The following KCNK2 variants were observed in gnomAD, a reference collection of about 807,000 sequenced individuals.
KCNK2 encodes potassium channel subfamily K member 2.
A neutral mutation model predicts 40.5 loss-of-function variants in KCNK2; 21 were observed. That is an observed-to-expected ratio of 0.52 (90% confidence interval 0.37 to 0.75). The LOEUF (loss-of-function observed/expected upper bound fraction) is 0.75. Ranked by LOEUF, KCNK2 falls within the 30% of genes least tolerant of loss-of-function variation. The probability of loss-of-function intolerance (pLI) is 0.00; values close to 1 mark genes in which losing one functional copy is unlikely to be tolerated. For missense variants in KCNK2, 399 were observed against 531.6 expected (o/e 0.75, Z 2.45); for synonymous variants, 191 against 202.2 (o/e 0.94, Z 0.47).
chr1:215,222,474 G>T (rs10864162), intron 6 of KCNK2, among the ~76,000 whole-genome samples: 37,709 of 151,940 alleles, frequency 0.25, 5,809 homozygotes, highest in African/African-American at 0.43. Context: ...TTAGAAGAAA[G>T]ATATTATTTA....
At chr1:215,211,710 CAGAA>C (rs1343337635) in intron 6 of KCNK2, among the ~76,000 whole-genome samples, 3 of 152,098 alleles carry the variant, frequency 2.0e-5, no homozygotes. Context: ...TGATTCAACT[CAGAA>C]GGGATAGAAT....
chr1:215,092,813 A>T (rs1464819937), intron 2 of KCNK2, among the ~76,000 whole-genome samples: 2 of 152,140 alleles, frequency 1.3e-5, no homozygotes, highest in Non-Finnish European at 2.9e-5. Context: ...AGCAATGCTG[A>T]CAAGCTGGTA....
chr1:215,079,938 T>C (rs536726664), upstream of KCNK2, among the ~76,000 whole-genome samples: 1 of 152,278 alleles, frequency 6.6e-6, no homozygotes, highest in East Asian at 1.9e-4. Flanking sequence ...AATGTTACAG[T>C]CTGAAATTTT....
intron 1 of KCNK2, among the ~76,000 whole-genome samples, chr1:215,067,165 T>C (rs1239979072): frequency 6.6e-6 from 1 of 152,192 alleles, no homozygotes; most frequent in Non-Finnish European, 1.5e-5. Context: ...TTAGTACTTT[T>C]AAAATCCAGG....
intron 3 of KCNK2, among the ~76,000 whole-genome samples, chr1:215,128,507 T>C (rs1220040719): frequency 6.6e-6 from 1 of 152,060 alleles, no homozygotes; most frequent in Non-Finnish European, 1.5e-5. Context: ...GACTGAAGAA[T>C]AACAAAAATA....
chr1:215,083,004 G>GGCGGCGGCA lies in KCNK2; in HGVS notation c.-374_-373insAGCGGCGGC, dbSNP rs1197218053. The GGCGGCGGCA allele has an allele frequency of 6.0e-5, 9 of 150,160 alleles. No individual in the cohort carries two copies. The highest frequency in any genetic ancestry group is 2.2e-4 in the African/African-American group (9 of 40,142). 9.3% of individuals were successfully genotyped at this position (150,160 alleles called of 1,614,324 possible). Reference sequence around the variant, plus strand: ...GCGAGCAGCCCGGGGCTGAGCGCGTGGCGGCGGCGGCGGCGGCGGCGGCGG... The same window carrying GGCGGCGGCA: ...GCGAGCAGCCCGGGGCTGAGCGCGTGGCGGCGGCAGCGGCGGCGGCGGCGGCGGCGGCGG... On this transcript the variant is annotated 5_prime_UTR_variant, in exon 1 of 7. Coordinates refer to ENST00000444842, the MANE Select transcript of KCNK2 (RefSeq NM_001017425.3).
chr1:215,030,207 A>G (rs1657137320), intron 1 of KCNK2, among the ~76,000 whole-genome samples: 4 of 152,080 alleles, frequency 2.6e-5, no homozygotes, highest in Admixed American at 2.6e-4. Flanking sequence ...ATCTTCTCTG[A>G]TGAGGTGTCT....
chr1:215,025,399 C>T (rs1305293544), intron 1 of KCNK2, among the ~76,000 whole-genome samples: 1 of 151,806 alleles, frequency 6.6e-6, no homozygotes, highest in Non-Finnish European at 1.5e-5. Context: ...TTTCCTTTTT[C>T]TGTTTCCTTA....
At chr1:215,193,099 T>C in intron 5 of KCNK2, among the ~76,000 whole-genome samples, 1 of 152,274 alleles carries the variant, frequency 6.6e-6, no homozygotes, top group Non-Finnish European at 1.5e-5. Flanking sequence ...TACAATAATG[T>C]TATACTCAGT....
intron 1 of KCNK2, among the ~76,000 whole-genome samples, chr1:215,032,103 ATT>A (rs368295671): frequency 0.011 from 1,507 of 137,610 alleles, 23 homozygotes; most frequent in South Asian, 0.078. Flanking sequence ...TCAATTAAGG[ATT>A]TTTTTTTTTT....
At chr1:215,103,278 A>C (rs1660299384) in intron 2 of KCNK2, among the ~76,000 whole-genome samples, 1 of 151,974 alleles carries the variant, frequency 6.6e-6, no homozygotes, top group Admixed American at 6.6e-5. Context: ...TTATGAGCAT[A>C]GATGATACTA....
intron 1 of KCNK2, among the ~76,000 whole-genome samples, chr1:215,053,527 T>C (rs544955171): frequency 1.3e-5 from 2 of 152,308 alleles, no homozygotes; most frequent in East Asian, 3.9e-4. Flanking sequence ...TACAAGATAT[T>C]GAATGTTTTT....
At chr1:215,007,183 G>GTAT (rs1553254744) in intron 1 of KCNK2, among the ~76,000 whole-genome samples, 3 of 83,618 alleles carry the variant, frequency 3.6e-5, no homozygotes, top group African/African-American at 1.5e-4. Context: ...GTATGTGTGT[G>GTAT]GGTATATATA....
intron 2 of KCNK2, among the ~76,000 whole-genome samples, chr1:215,100,558 C>T (rs1660163831): frequency 6.6e-6 from 1 of 151,890 alleles, no homozygotes; most frequent in Admixed American, 6.6e-5. Context: ...GACTTTGCCT[C>T]TTTTAGTTAA....
At chr1:215,129,715 G>A (rs1400866676) in intron 3 of KCNK2, among the ~76,000 whole-genome samples, 1 of 152,162 alleles carries the variant, frequency 6.6e-6, no homozygotes, top group Non-Finnish European at 1.5e-5. Context: ...GCCGGAGAAA[G>A]AAGTGAGGTT....
chr1:215,100,070 G>C (rs1255522747), intron 2 of KCNK2, among the ~76,000 whole-genome samples: 1 of 151,966 alleles, frequency 6.6e-6, no homozygotes, highest in Non-Finnish European at 1.5e-5. Context: ...TCTGAGATTT[G>C]TGAATAAAGA....
chr1:215,209,489 A>ATAT (rs1553274216), intron 6 of KCNK2, among the ~76,000 whole-genome samples: 8 of 26,420 alleles, frequency 3.0e-4, no homozygotes, highest in African/African-American at 1.1e-3. Flanking sequence ...TATATAATAC[A>ATAT]TATATATAAT....
chr1:215,045,788 A>G (rs1028511631), intron 1 of KCNK2, among the ~76,000 whole-genome samples: 2 of 152,180 alleles, frequency 1.3e-5, no homozygotes, highest in African/African-American at 4.8e-5. Flanking sequence ...TAAATTTTCC[A>G]TTCTGTTGTC....
chr1:215,110,307 C>T (rs1478107474), intron 2 of KCNK2, among the ~76,000 whole-genome samples: 1 of 151,900 alleles, frequency 6.6e-6, no homozygotes, highest in Non-Finnish European at 1.5e-5. Flanking sequence ...TCTTGAAGAG[C>T]TTTCACTGTG....
Sources: gnomAD v4.1 joint callset for allele counts (sites outside exome capture counted in the v4.1 genomes callset) on GRCh38, gnomAD v4.1.1 for gene constraint, MANE v1.5 for transcripts, NCBI Gene and HGNC (gene_info 2026-07-23, HGNC 2026-07-21) for gene names.